CCDC88A: variants seen among roughly 807,000 people sequenced by gnomAD.
The protein encoded by CCDC88A is coiled-coil and HOOK domain protein 88A, also known as girdin.
In CCDC88A, 54 loss-of-function variants were observed where a neutral mutation model predicts 234.3. That is an observed-to-expected ratio of 0.23 (90% CI 0.19 to 0.29). The LOEUF is 0.29. Ranked by LOEUF, CCDC88A falls within the 10% of genes least tolerant of loss-of-function variation. The probability of loss-of-function intolerance (pLI) is 1.00; values close to 1 mark genes in which losing one functional copy is unlikely to be tolerated. For missense variants in CCDC88A, 1,832 were observed against 2,123.4 expected, an observed-to-expected ratio of 0.86 and a Z score of 2.70; for synonymous variants, 753 against 737.8, an observed-to-expected ratio of 1.02 and a Z score of -0.33.
chr2:55,350,661 G>A (rs996891992), intron 8 of CCDC88A: 1 of 150,104 alleles, frequency 6.7e-6, no homozygotes, highest in Non-Finnish European at 1.5e-5. Flanking sequence ...TAAAATATAT[G>A]TATGTATATA....
chr2:55,386,459 G>GTATTT (rs70954113), intron 3 of CCDC88A, among the ~76,000 whole-genome samples: 73,440 of 145,574 alleles, frequency 0.5, 20,481 homozygotes, highest in Admixed American at 0.63. Context: ...TTTGTAGATT[G>GTATTT]TATTTTATTT....
intron 5 of CCDC88A, among the ~76,000 whole-genome samples, chr2:55,369,249 G>T (rs1238489851): frequency 1.3e-5 from 2 of 152,010 alleles, no homozygotes; most frequent in African/African-American, 4.8e-5. Flanking sequence ...CAGCCAGGCT[G>T]GTCTGGAACT....
chr2:55,316,386 G>C (rs1682983253), intron 21 of CCDC88A, among the ~76,000 whole-genome samples: 1 of 152,002 alleles, frequency 6.6e-6, no homozygotes, highest in Admixed American at 6.6e-5. Context: ...CTTTAAATAT[G>C]TTGAAGTATA....
chr2:55,339,185 C>G (rs1668164341), intron 13 of CCDC88A: 1 of 256,192 alleles, frequency 3.9e-6, no homozygotes. Flanking sequence ...TCACAAACTC[C>G]CGACCTCAGG....
At chr2:55,352,493 T>G (rs940374202) in intron 8 of CCDC88A, among the ~76,000 whole-genome samples, 2 of 151,918 alleles carry the variant, frequency 1.3e-5, no homozygotes, top group African/African-American at 4.8e-5. Flanking sequence ...TACAACTCTA[T>G]GAATAAACTC....
At chr2:55,415,183 C>T (rs573073687) in intron 2 of CCDC88A, among the ~76,000 whole-genome samples, 6 of 152,070 alleles carry the variant, frequency 3.9e-5, no homozygotes, top group East Asian at 1.9e-4. Flanking sequence ...CATTGTGGTG[C>T]GCGTGCCTGT....
chr2:55,336,927 A>G, intron 13 of CCDC88A, 109 bp from the exon 14 acceptor site: 1 of 621,006 alleles, frequency 1.6e-6, no homozygotes, highest in Non-Finnish European at 2.6e-6. Flanking sequence ...GTTAATATCC[A>G]AATGCTAAAA....
In CCDC88A at chr2:55,289,300, T is replaced by G. The variant is rs1422023522; in HGVS notation, c.*1900A>C. On this transcript the variant is annotated 3_prime_UTR_variant, in exon 33 of 33. Transcript: ENST00000436346. ...AATTAGATGCTAGCTAATATAAATC[T>G]AAGTTACCCACTAACTGTATTTAGC... 6.6e-6 allele frequency: 1 copy of G among 152,604 alleles called. No individual in the cohort carries two copies. Among genetic ancestry groups the G allele is most frequent in the African/African-American group, 2.4e-5 (1 of 41,456 alleles). The allele number at this position is 152,604 out of a possible 1,614,324, so 9.5% of individuals were successfully genotyped here.
At chr2:55,391,306 C>A (rs1016327681) in intron 2 of CCDC88A, among the ~76,000 whole-genome samples, 1 of 152,170 alleles carries the variant, frequency 6.6e-6, no homozygotes, top group African/African-American at 2.4e-5. Context: ...AGTAACTTGA[C>A]AACCTGCCAA....
At position 55,343,762 on chromosome 2, in the gene CCDC88A, C is replaced by G; in HGVS notation, c.1219G>C (p.Glu407Gln). 1 of 1,610,730 alleles carries G rather than the reference C, an allele frequency of 6.2e-7. No individual in the cohort carries two copies. The highest frequency in any genetic ancestry group is 8.5e-7 in the Non-Finnish European group (1 of 1,177,998). Residue 407 changes from glutamate to glutamine, a missense_variant, in exon 12 of 33, where the codon GAA (glutamate) becomes CAA (glutamine). Glu to Gln is a conservative substitution (Grantham distance 29). Around this residue, in one of 6 missense-constraint regions of CCDC88A, gnomAD observed 1,282 missense variants for 1,543.6 expected, o/e 0.83. Coordinates refer to ENST00000436346, the MANE Select transcript of CCDC88A (RefSeq NM_001365480.1). ...ERDMDRKKIEELMEENMTLEM... is the reference protein window; with the variant it reads ...ERDMDRKKIEQLMEENMTLEM... ...AAAGTCATATTTTCTTCCATTAATT[C>G]TTCAATCTTTTTTCTATCCATATCT...
intron 2 of CCDC88A, chr2:55,406,157 T>C (rs530262120): frequency 1.9e-5 from 2 of 104,496 alleles, no homozygotes; most frequent in South Asian, 3.1e-4. Context: ...TGAGACTCTG[T>C]CCTGAAAAAA....
chr2:55,356,747 T>C (rs1292659366), intron 7 of CCDC88A: 1 of 152,116 alleles, frequency 6.6e-6, no homozygotes, highest in Non-Finnish European at 1.5e-5. Flanking sequence ...CTGACCAACA[T>C]GGTGAAATCC....
rs965332761 is a variant in CCDC88A, at chr2:55,334,209, T to C, written c.2612A>G (p.Lys871Arg). Reference sequence around the variant, plus strand: ...AGATTCTTTATATATACCAATTTCTTTGGATAGGGTTTTGTTTTCTTTTTC... The same window carrying C: ...AGATTCTTTATATATACCAATTTCTCTGGATAGGGTTTTGTTTTCTTTTTC... ...NLEKENKTLS[K>R]EIGIYKESCV... Residue 871 changes from lysine to arginine, a missense_variant, in exon 15 of 33, where the codon AAA becomes AGA. Lys to Arg is a conservative substitution (Grantham distance 26). Around this residue, in one of 6 missense-constraint regions of CCDC88A, gnomAD observed 1,282 missense variants for 1,543.6 expected, o/e 0.83. Coordinates refer to ENST00000436346, the MANE Select transcript of CCDC88A (RefSeq NM_001365480.1). This position sits in a 1 kb window ranked among gnomAD's most constrained non-coding sequence, Gnocchi z 6.1. The C allele has an allele frequency of 1.4e-6, 2 of 1,436,046 alleles. No homozygotes were observed. The highest frequency in any genetic ancestry group is 1.9e-5 in the South Asian group (1 of 54,052). The allele number at this position is 1,436,046 out of a possible 1,614,324, so 89.0% of individuals were successfully genotyped here.
chr2:55,384,639 G>A (rs1306820418), intron 3 of CCDC88A, among the ~76,000 whole-genome samples: 1 of 102,786 alleles, frequency 9.7e-6, no homozygotes, highest in African/African-American at 4.0e-5. Context: ...ATGTATATAT[G>A]TGTATATATA....
At chr2:55,344,559 A>T in intron 10 of CCDC88A, 45 bp from the exon 11 acceptor site, 18 of 1,129,990 alleles carry the variant, frequency 1.6e-5, no homozygotes, top group Non-Finnish European at 2.2e-5. Context: ...TTAATTTTTT[A>T]AAGTTATGGA....
At position 55,315,967 on chromosome 2, in the gene CCDC88A, T is replaced by C. The variant is rs541896235; in HGVS notation, c.3894A>G (p.Gln1298=). 2.5e-6 allele frequency: 4 copies of C among 1,585,056 alleles called. No homozygotes were observed. The highest frequency in any genetic ancestry group is 1.8e-5 in the Admixed American group (1 of 54,648). ...EFSKLKEQYQ[Q]LDITSTKLNN... ...TCAGCTTGGTTGATGTAATATCCAA[T>C]TGTTGGTATTGTTCCTTTAGTTTTG... The change falls in exon 22 of 33, where the codon CAA becomes CAG. Residue 1298 remains glutamine (Q), a synonymous_variant. Coordinates refer to ENST00000436346, the MANE Select transcript of CCDC88A (RefSeq NM_001365480.1).
chr2:55,299,233 C>G (rs959340527), intron 29 of CCDC88A, among the ~76,000 whole-genome samples: 3 of 152,102 alleles, frequency 2.0e-5, no homozygotes, highest in African/African-American at 4.8e-5. Context: ...CTTCCAGAAT[C>G]TGAGTAGGCA....
intron 2 of CCDC88A, among the ~76,000 whole-genome samples, chr2:55,395,073 T>C (rs1677304851): frequency 6.6e-6 from 1 of 152,178 alleles, no homozygotes; most frequent in Non-Finnish European, 1.5e-5. Flanking sequence ...CTCAAACTCC[T>C]GACCTCAAGT....
Position 55,321,728 on chromosome 2 carries a change from T to C in CCDC88A, c.3162+800A>G, listed in dbSNP as rs72923134. 8.7e-3 allele frequency among the ~76,000 whole-genome samples: 1,326 copies of C among 152,254 alleles called. 31 individuals carry two copies. The highest frequency in any genetic ancestry group is 0.03 in the African/African-American group (1,257 of 41,548). On this transcript the variant is annotated intron_variant, in intron 18 of 32. Coordinates refer to ENST00000436346, the MANE Select transcript of CCDC88A (RefSeq NM_001365480.1). ...TGAAAATGCAAATAGGAATTTTGTA[T>C]AGCATGATCCCACAGGTATAAATTT...
Sources: gnomAD v4.1 joint callset for allele counts (sites outside exome capture counted in the v4.1 genomes callset) on GRCh38, gnomAD v4.1.1 for gene constraint, gnomAD v4.1.1 regional missense constraint, Gnocchi (gnomAD v3.1) non-coding constraint, MANE v1.5 for transcripts, NCBI Gene and HGNC (gene_info 2026-07-23, HGNC 2026-07-21) for gene names.